Variants in CERS1 observed in about 807,000 individuals in gnomAD.
CERS1 encodes ceramide synthase 1, also known as Embryonic growth/differentiation factor 1.
CERS1 carries 16 observed loss-of-function variants against 35.7 expected under a neutral mutation model. The ratio of observed to expected loss-of-function variants is 0.45; its 90% CI spans 0.30 to 0.68. CERS1 has a LOEUF of 0.68. Ranked by LOEUF, CERS1 falls within the 30% of genes least tolerant of loss-of-function variation. The pLI, the probability that CERS1 is intolerant of heterozygous loss-of-function variation, is 0.08. For missense variants in CERS1, 454 were observed against 453.9 expected (o/e 1.00, Z 0.00); for synonymous variants, 243 against 201.6 (o/e 1.21, Z -1.74).
At chr19:18,869,416 G>A (rs778324698) in intron 7 of CERS1, 26 bp from the exon 8 acceptor site, 2 of 1,524,998 alleles carry the variant, frequency 1.3e-6, no homozygotes, top group Non-Finnish European at 1.8e-6. Flanking sequence ...CAGGAACTCG[G>A]CTCGCGCTGC....
At chr19:18,885,309 T>C (rs2146037191) in intron 2 of CERS1, among the ~76,000 whole-genome samples, 1 of 152,148 alleles carries the variant, frequency 6.6e-6, no homozygotes, top group South Asian at 2.1e-4. Context: ...CAAGTGATCC[T>C]CCCACCTCAG....
At chr19:18,882,957 G>A (rs2056252221) in intron 3 of CERS1, 1 of 152,152 alleles carries the variant, frequency 6.6e-6, no homozygotes, top group Non-Finnish European at 1.5e-5. Context: ...TCGCAAAGTG[G>A]TGGGATTACA....
chr19:18,869,469 A>T, intron 7 of CERS1, 79 bp from the exon 8 acceptor site: 1 of 1,471,514 alleles, frequency 6.8e-7, no homozygotes, highest in Non-Finnish European at 9.0e-7. Flanking sequence ...GACAGGGAGG[A>T]AGGTGAACGC....
chr19:18,880,343 C>T lies in CERS1; in HGVS notation c.683G>A (p.Arg228His), dbSNP rs777656031. ...FTKLNIYFKS[R>H]GGSYHRLHAL... The stretch of plus-strand genomic sequence containing the variant: ...ATGCAGCCGATGGTAGGAGCCGCCG[C>T]GGGACTTGAAGTAAATGTTGAGCTT... The change falls in exon 4 of 8, where the codon CGC becomes CAC. Residue 228 changes from arginine to histidine, a missense_variant. Transcript: ENST00000623882. 110 of 1,559,496 alleles carry T rather than the reference C, an allele frequency of 7.1e-5. No individual in the cohort carries two copies. The East Asian group carries it at 2.6e-3, about 37-fold the overall frequency.
intron 2 of CERS1, among the ~76,000 whole-genome samples, chr19:18,889,839 A>G (rs918561446): frequency 4.0e-5 from 6 of 151,884 alleles, no homozygotes; most frequent in African/African-American, 1.5e-4. Context: ...ACCAGCCCCC[A>G]TCTCACAAGA....
Position 18,895,945 on chromosome 19 carries a change from C to A in CERS1, c.128G>T (p.Gly43Val). 3 of 1,172,422 alleles carry A rather than the reference C, an allele frequency of 2.6e-6. No homozygotes were observed. The highest frequency in any genetic ancestry group is 4.9e-5 in the East Asian group (1 of 20,544). The allele number at this position is 1,172,422 out of a possible 1,614,324, so 72.6% of individuals were successfully genotyped here. A position where few individuals can be genotyped will look rare whatever the true frequency, so the allele number is the denominator to read the frequency against. The change falls in exon 1 of 8, where the codon GGG (glycine) becomes GTG (valine). Residue 43 changes from glycine to valine, a missense_variant. By Grantham distance (109) the Gly-to-Val change is moderately radical. Coordinates refer to ENST00000623882, the MANE Select transcript of CERS1 (RefSeq NM_021267.5). The surrounding 1 kb of genome is among the most constrained non-coding windows in gnomAD (Gnocchi z 6.4). ...AARGCTDCGWGLARRGLAEHA... is the reference protein window; with the variant it reads ...AARGCTDCGWVLARRGLAEHA... ...CTCAGCCAGGCCGCGACGCGCCAGC[C>A]CCCAGCCGCAGTCCGTGCAGCCCCG...
intron 3 of CERS1, among the ~76,000 whole-genome samples, chr19:18,883,596 G>A (rs968432707): frequency 6.6e-6 from 1 of 152,226 alleles, no homozygotes; most frequent in African/African-American, 2.4e-5. Flanking sequence ...TGTATGTGAA[G>A]GCTTTGAAGC....
upstream of CERS1, among the ~76,000 whole-genome samples, chr19:18,896,925 G>GT (rs1491540190): frequency 1.1e-4 from 3 of 27,920 alleles, no homozygotes; most frequent in Non-Finnish European, 4.5e-4. The surrounding 1 kb of genome is among the most constrained non-coding windows in gnomAD (Gnocchi z 5.9). Flanking sequence ...TGGGGAACCC[G>GT]GGGGGGGGGC....
chr19:18,874,946 T>C (rs376766243), intron 6 of CERS1, among the ~76,000 whole-genome samples: 3 of 152,182 alleles, frequency 2.0e-5, no homozygotes, highest in African/African-American at 7.2e-5. Flanking sequence ...CCTGATTGAA[T>C]TTTCGGAACC....
intron 6 of CERS1, chr19:18,877,986 AG>A (rs1157697049): frequency 3.0e-6 from 3 of 985,318 alleles, no homozygotes; most frequent in Non-Finnish European, 3.6e-6. Context: ...CCTTCCAAAC[AG>A]GGTGGGGGGT....
intron 3 of CERS1, among the ~76,000 whole-genome samples, chr19:18,882,913 G>C (rs1466352640): frequency 6.6e-6 from 1 of 151,976 alleles, no homozygotes. Flanking sequence ...GGATGGTCTC[G>C]ATCTCCTGAC....
At chr19:18,879,100 C>CA in intron 5 of CERS1, 61 bp from the exon 6 acceptor site, 1 of 1,595,710 alleles carries the variant, frequency 6.3e-7, no homozygotes, top group Non-Finnish European at 8.5e-7. Context: ...GCCCTGCTGA[C>CA]AGCCATGTGC....
upstream of CERS1, among the ~76,000 whole-genome samples, chr19:18,896,365 C>G (rs2056626989): frequency 6.6e-6 from 1 of 151,494 alleles, no homozygotes; most frequent in South Asian, 2.1e-4. The surrounding 1 kb of genome is among the most constrained non-coding windows in gnomAD (Gnocchi z 5.9). Context: ...CCCGAGAGAC[C>G]CCGCGCACCG....
chr19:18,870,258 A>G lies in CERS1; in HGVS notation c.*319T>C, dbSNP rs1318610564. The G allele has an allele frequency of 1.3e-6, 2 of 1,517,506 alleles. No homozygotes were observed. Among genetic ancestry groups the G allele is most frequent in the Admixed American group, 2.0e-5 (1 of 50,070 alleles). The allele number at this position is 1,517,506 out of a possible 1,614,324, so 94.0% of individuals were successfully genotyped here. The stretch of plus-strand genomic sequence containing the variant: ...GGGCAGCGAGGGCAGCAGCAGGGCC[A>G]GGAGGAGGAGGAGGTGGTGGCCGCA... On this transcript the variant is annotated 3_prime_UTR_variant, in exon 7 of 8. Transcript: ENST00000623882. This position sits in a 1 kb window ranked among gnomAD's most constrained non-coding sequence, Gnocchi z 5.1.
At chr19:18,871,329 C>T (rs536807838) in intron 6 of CERS1, among the ~76,000 whole-genome samples, 1 of 150,504 alleles carries the variant, frequency 6.6e-6, no homozygotes, top group Non-Finnish European at 1.5e-5. Flanking sequence ...TGAGTTCAAG[C>T]GATTCTCCTG....
chr19:18,874,502 G>A (rs2056027855), intron 6 of CERS1, among the ~76,000 whole-genome samples: 1 of 152,196 alleles, frequency 6.6e-6, no homozygotes, highest in Admixed American at 6.5e-5. Flanking sequence ...GGCAGTGGCA[G>A]GTGCAGCAGA....
Position 18,884,707 on chromosome 19 carries a change from G to A in CERS1, c.410-440C>T, listed in dbSNP as rs1194205838. Among the ~76,000 whole-genome samples, 11 of 61,770 alleles carry A rather than the reference G, an allele frequency of 1.8e-4. No homozygotes were observed. In the Admixed American group the frequency reaches 2.2e-3, roughly 12 times the overall value. 40.5% of individuals were successfully genotyped at this position (61,770 alleles called of 152,430 possible). ...CAGGCGTGAGCCACCCCGCCCAGCCGTCTTTTTTTTTTTTTTTTTTTTTTT... is the reference window on the plus strand; with the variant it reads ...CAGGCGTGAGCCACCCCGCCCAGCCATCTTTTTTTTTTTTTTTTTTTTTTT... On this transcript the variant is annotated intron_variant, in intron 2 of 7. Transcript: ENST00000623882.
rs1243530086 is a variant in CERS1 at position 18,884,245 on chromosome 19, C to T, written c.432G>A (p.Val144=). The change falls in exon 3 of 8, where the codon GTG becomes GTA. Residue 144 remains valine (V), a synonymous_variant. Coordinates refer to ENST00000623882, the MANE Select transcript of CERS1 (RefSeq NM_021267.5). ...GGTAGGCGGCTGCAATGTCCCGTGG[C>T]ACTGCCATGCCCGGCGTCCAGTCTG... ...VFYDWTPGMA[V]PRDIAAAYLL... The T allele has an allele frequency of 2.5e-6, 4 of 1,612,832 alleles. No homozygotes were observed. Among genetic ancestry groups the T allele is most frequent in the Non-Finnish European group, 3.4e-6 (4 of 1,179,672 alleles).
At chr19:18,882,340 T>C (rs2056232032) in intron 3 of CERS1, among the ~76,000 whole-genome samples, 1 of 152,056 alleles carries the variant, frequency 6.6e-6, no homozygotes, top group Non-Finnish European at 1.5e-5. Context: ...TTTAAAATTA[T>C]TTTTTAAACT....
Sources: gnomAD v4.1 joint callset for allele counts (sites outside exome capture counted in the v4.1 genomes callset) on GRCh38, gnomAD v4.1.1 for gene constraint, Gnocchi (gnomAD v3.1) non-coding constraint, MANE v1.5 for transcripts, NCBI Gene and HGNC (gene_info 2026-07-23, HGNC 2026-07-21) for gene names.